PTPRN2: variants seen among roughly 807,000 people sequenced by gnomAD.
PTPRN2 encodes receptor-type tyrosine-protein phosphatase N2.
Under a neutral mutation model 118.8 loss-of-function variants are expected in PTPRN2, and 74 were observed. The observed-to-expected ratio is 0.62, with a 90% CI of 0.52 to 0.76. The LOEUF (loss-of-function observed/expected upper bound fraction) is 0.76. Ranked by LOEUF, PTPRN2 falls within the 30% of genes least tolerant of loss-of-function variation. The pLI, the probability that PTPRN2 is intolerant of heterozygous loss-of-function variation, is 0.00. For synonymous variants in PTPRN2, 641 were observed against 608.0 expected, an observed-to-expected ratio of 1.05 and a Z score of -0.80; for missense variants, 1,481 against 1,394.4, an observed-to-expected ratio of 1.06 and a Z score of -0.99.
chr7:158,378,910 G>A (rs564621379), intron 2 of PTPRN2, among the ~76,000 whole-genome samples: 46 of 152,342 alleles, frequency 3.0e-4, no homozygotes, highest in African/African-American at 1.1e-3. Context: ...GGACTTTAAT[G>A]GGATGGGGAG....
rs150864882 is a variant in PTPRN2 at position 158,192,396 on chromosome 7, G to A, written c.480C>T (p.Ala160=). ...CGTCTGAGGCTGGGGCCTGGGACAG[G>A]GCCTCCAGGAAGGGCAGGTGGCGTC... The part of the protein sequence containing the change: ...ALRRHLPFLE[A]LSQAPASDVL... The change falls in exon 5 of 23, where the codon GCC becomes GCT. Residue 160 remains alanine, a synonymous_variant. Coordinates refer to ENST00000389418, the MANE Select transcript of PTPRN2 (RefSeq NM_002847.5). 1,205 of 1,533,438 alleles carry A rather than the reference G, an allele frequency of 7.9e-4. 17 individuals are homozygous for A. In the South Asian group the frequency reaches 0.015, roughly 19 times the overall value. The allele number at this position is 1,533,438 out of a possible 1,614,324, so 95.0% of individuals were successfully genotyped here.
chr7:158,448,559 A>G (rs932167780), intron 2 of PTPRN2, among the ~76,000 whole-genome samples: 2 of 152,072 alleles, frequency 1.3e-5, no homozygotes, highest in African/African-American at 4.8e-5. Flanking sequence ...GCTGAATTTG[A>G]GGCCCCCAGG....
At chr7:157,718,656 C>A (rs1226046622) in intron 12 of PTPRN2, among the ~76,000 whole-genome samples, 3 of 151,886 alleles carry the variant, frequency 2.0e-5, no homozygotes, top group Non-Finnish European at 4.4e-5. Flanking sequence ...CTCAGCATGT[C>A]CAGGCATCCG....
intron 11 of PTPRN2, among the ~76,000 whole-genome samples, chr7:157,917,683 G>A (rs543499842): frequency 3.3e-4 from 50 of 152,062 alleles, no homozygotes; most frequent in African/African-American, 1.1e-3. Context: ...CTGCCTGGTT[G>A]CCTGGAGTAA....
At chr7:158,303,832 GACA>G (rs1801076665) in intron 3 of PTPRN2, among the ~76,000 whole-genome samples, 1 of 152,230 alleles carries the variant, frequency 6.6e-6, no homozygotes, top group African/African-American at 2.4e-5. Flanking sequence ...CGTCAGGGCT[GACA>G]ACTACTGCTC....
At chr7:158,299,802 G>GC (rs1037659457) in intron 3 of PTPRN2, among the ~76,000 whole-genome samples, 5 of 152,110 alleles carry the variant, frequency 3.3e-5, no homozygotes, top group African/African-American at 1.2e-4. Context: ...CGGTTCCCAG[G>GC]CCCCCCAGGG....
intron 21 of PTPRN2, among the ~76,000 whole-genome samples, chr7:157,563,975 C>A (rs1799355980): frequency 6.6e-6 from 1 of 152,244 alleles, no homozygotes; most frequent in Non-Finnish European, 1.5e-5. Flanking sequence ...TGCTCCATGG[C>A]CCCTCTCGCT....
intron 2 of PTPRN2, among the ~76,000 whole-genome samples, chr7:158,422,990 G>T (rs916977496): frequency 6.6e-6 from 1 of 152,214 alleles, no homozygotes; most frequent in Admixed American, 6.5e-5. Flanking sequence ...AGCCAATCAG[G>T]GCCCACGCCA....
chr7:157,835,607 C>A (rs889281123), intron 12 of PTPRN2, among the ~76,000 whole-genome samples: 1 of 152,184 alleles, frequency 6.6e-6, no homozygotes, highest in Non-Finnish European at 1.5e-5. Flanking sequence ...CAGGGATCTG[C>A]AGCAATGCCT....
chr7:157,790,170 GGTGT>G (rs1301455947), intron 12 of PTPRN2, among the ~76,000 whole-genome samples: 9 of 140,200 alleles, frequency 6.4e-5, no homozygotes, highest in Non-Finnish European at 7.8e-5. Flanking sequence ...TGGTGTGTGT[GGTGT>G]GTGTATGGTG....
intron 3 of PTPRN2, among the ~76,000 whole-genome samples, chr7:158,257,881 C>T (rs1797137009): frequency 6.6e-6 from 1 of 152,250 alleles, no homozygotes. Context: ...TTGCTGTCAG[C>T]TGACAGTACC....
chr7:158,435,059 G>T (rs995630620), intron 2 of PTPRN2, among the ~76,000 whole-genome samples: 7 of 152,140 alleles, frequency 4.6e-5, no homozygotes, highest in Non-Finnish European at 1.0e-4. Flanking sequence ...TTATTTTTTG[G>T]ATATGACACC....
At chr7:158,268,478 G>A (rs186648749) in intron 3 of PTPRN2, among the ~76,000 whole-genome samples, 1 of 147,246 alleles carries the variant, frequency 6.8e-6, no homozygotes, top group Non-Finnish European at 1.5e-5. Context: ...CACACAGGGT[G>A]GGTGTGAAAT....
intron 3 of PTPRN2, among the ~76,000 whole-genome samples, chr7:158,305,659 T>C (rs1238947196): frequency 6.6e-6 from 1 of 151,934 alleles, no homozygotes; most frequent in African/African-American, 2.4e-5. Flanking sequence ...TAGACATCAG[T>C]GAAAATGGCA....
intron 11 of PTPRN2, among the ~76,000 whole-genome samples, chr7:158,080,613 C>A (rs1341692821): frequency 1.3e-5 from 2 of 148,442 alleles, no homozygotes; most frequent in East Asian, 1.9e-4. Flanking sequence ...GAGGAAAATG[C>A]AACATTGTGT....
chr7:158,383,126 G>A (rs1811087931), intron 2 of PTPRN2, among the ~76,000 whole-genome samples: 1 of 152,090 alleles, frequency 6.6e-6, no homozygotes, highest in Admixed American at 6.5e-5. Flanking sequence ...TAACACATGA[G>A]GGGCCCTGAA....
intron 14 of PTPRN2, among the ~76,000 whole-genome samples, chr7:157,626,395 C>T (rs1259563051): frequency 2.0e-5 from 3 of 152,318 alleles, no homozygotes; most frequent in Middle Eastern, 3.4e-3. Flanking sequence ...CCGTCCCCAC[C>T]GCCATCCTTC....
Position 157,977,859 on chromosome 7 carries a change from A to C in PTPRN2, c.1724-79122T>G, listed in dbSNP as rs1802868343. Among the ~76,000 whole-genome samples, 1 of 151,762 alleles carries C rather than the reference A, an allele frequency of 6.6e-6. No homozygotes were observed. Among genetic ancestry groups the C allele is most frequent in the Non-Finnish European group, 1.5e-5 (1 of 67,896 alleles). On this transcript the variant is annotated intron_variant, in intron 11 of 22. Transcript: ENST00000389418. The surrounding 1 kb of genome is among the most constrained non-coding windows in gnomAD (Gnocchi z 4.6). Reference sequence around the variant, plus strand: ...GGATCACCCTGACAAGACTGGTGGCAGCTGGGACAAGAGTCGTGGCTGAGG... The same window carrying C: ...GGATCACCCTGACAAGACTGGTGGCCGCTGGGACAAGAGTCGTGGCTGAGG...
chr7:158,465,996 G>A (rs1015498315), intron 2 of PTPRN2, among the ~76,000 whole-genome samples: 2 of 152,128 alleles, frequency 1.3e-5, no homozygotes, highest in Admixed American at 1.3e-4. Flanking sequence ...GTTGCATGAT[G>A]CATCCATGCA....
Sources: allele counts gnomAD v4.1 joint callset (sites outside exome capture counted in the v4.1 genomes callset), GRCh38; gene constraint gnomAD v4.1.1; non-coding constraint Gnocchi (gnomAD v3.1); transcripts MANE v1.5; gene names NCBI Gene and HGNC (gene_info 2026-07-23, HGNC 2026-07-21).